The following ATRNL1 variants were observed in gnomAD, a reference collection of about 807,000 sequenced individuals.
ATRNL1 encodes attractin like 1.
A neutral mutation model predicts 182.7 loss-of-function variants in ATRNL1; 95 were observed. That is an observed-to-expected ratio of 0.52 (90% CI 0.44 to 0.62). The LOEUF is 0.62. Among genes scored for constraint, ATRNL1 ranks in the 20% least tolerant of loss-of-function variants. The pLI is 0.00. For synonymous variants in ATRNL1, 576 were observed against 568.3 expected (o/e 1.01, Z -0.19); for missense variants, 1,471 against 1,679.5 (o/e 0.88, Z 2.17).
In ATRNL1 at chr10:115,424,496, G is replaced by A. The variant is rs112931123; in HGVS notation, c.3270-1754G>A. Among the ~76,000 whole-genome samples, 1,262 of 152,236 alleles carry A rather than the reference G, an allele frequency of 8.3e-3. 16 individuals are homozygous for A. The highest frequency in any genetic ancestry group is 0.027 in the African/African-American group (1,118 of 41,542). On this transcript the variant is annotated intron_variant, in intron 20 of 28. Transcript: ENST00000355044. The stretch of plus-strand genomic sequence containing the variant: ...CATCTGTACTCTTACTTTTATTGCA[G>A]CACTATGTACAGTAGCCAAGATATG...
At chr10:115,879,305 C>CAAAAAAAAAG in intron 28 of ATRNL1, among the ~76,000 whole-genome samples, 1 of 108,018 alleles carries the variant, frequency 9.3e-6, no homozygotes, top group Admixed American at 1.0e-4. Flanking sequence ...CTCTCTATCT[C>CAAAAAAAAAG]AAAAAAAAAA....
At chr10:115,698,451 T>TG (rs1237638962) in intron 26 of ATRNL1, among the ~76,000 whole-genome samples, 3 of 152,096 alleles carry the variant, frequency 2.0e-5, no homozygotes, top group Non-Finnish European at 4.4e-5. Flanking sequence ...AGAGTTCAGT[T>TG]GAACATAAAG....
intron 19 of ATRNL1, among the ~76,000 whole-genome samples, chr10:115,380,427 C>A (rs1857933020): frequency 6.6e-6 from 1 of 152,046 alleles, no homozygotes; most frequent in African/African-American, 2.4e-5. Flanking sequence ...ACTGTATTCA[C>A]CGGGTCATGC....
At chr10:115,217,925 G>A (rs1046501277) in intron 9 of ATRNL1, among the ~76,000 whole-genome samples, 1 of 151,744 alleles carries the variant, frequency 6.6e-6, no homozygotes, top group East Asian at 1.9e-4. Context: ...TAGCATATTT[G>A]TCAAGTTTGC....
chr10:115,798,622 G>T (rs1555083568), intron 27 of ATRNL1, among the ~76,000 whole-genome samples: 1 of 152,068 alleles, frequency 6.6e-6, no homozygotes, highest in East Asian at 1.9e-4. Context: ...ACACCTCCAT[G>T]CCTTTGCTCA....
chr10:115,887,382 A>G (rs1951972296), intron 28 of ATRNL1, among the ~76,000 whole-genome samples: 1 of 152,230 alleles, frequency 6.6e-6, no homozygotes, highest in African/African-American at 2.4e-5. Flanking sequence ...TGCAAGATCA[A>G]GGCACCAGCA....
At chr10:115,636,053 T>C (rs148221574) in intron 26 of ATRNL1, among the ~76,000 whole-genome samples, 39 of 152,244 alleles carry the variant, frequency 2.6e-4, no homozygotes, top group African/African-American at 8.4e-4. Flanking sequence ...AATATAGGAT[T>C]TCTTATTCTA....
At chr10:115,524,024 C>G (rs1851086174) in intron 25 of ATRNL1, among the ~76,000 whole-genome samples, 1 of 152,068 alleles carries the variant, frequency 6.6e-6, no homozygotes. Context: ...CAAGCTGTTT[C>G]CATTCATGGT....
intron 27 of ATRNL1, among the ~76,000 whole-genome samples, chr10:115,733,797 G>A (rs10787598): frequency 0.2 from 29,983 of 151,840 alleles, 3,434 homozygotes; most frequent in South Asian, 0.29. Flanking sequence ...ATCATTTACT[G>A]TTAATATTCT....
intron 26 of ATRNL1, among the ~76,000 whole-genome samples, chr10:115,553,584 C>A (rs1393437229): frequency 5.3e-5 from 8 of 151,298 alleles, no homozygotes; most frequent in African/African-American, 1.9e-4. Flanking sequence ...TATCTCCCTG[C>A]ATATTTTGTA....
At chr10:115,692,777 A>T (rs1555048576) in intron 26 of ATRNL1, among the ~76,000 whole-genome samples, 2 of 152,100 alleles carry the variant, frequency 1.3e-5, no homozygotes, top group Non-Finnish European at 2.9e-5. Flanking sequence ...AATAGTTATA[A>T]AAAACAAGTT....
Position 115,728,102 on chromosome 10 carries a change from C to T in ATRNL1, c.3903+747C>T, listed in dbSNP as rs1301248015. ...CATCCTGGCTAACATGGTGAAACCC[C>T]GTCTCTACTAAAAAAAAAAAAAAAA... On this transcript the variant is annotated intron_variant, in intron 27 of 28. Transcript: ENST00000355044. 5.2e-5 allele frequency among the ~76,000 whole-genome samples: 7 copies of T among 135,172 alleles called. No individual in the cohort carries two copies. The South Asian group carries it at 7.2e-4, about 14-fold the overall frequency. 88.7% of individuals were successfully genotyped at this position (135,172 alleles called of 152,430 possible). A position where few individuals can be genotyped will look rare whatever the true frequency, so the allele number is the denominator to read the frequency against.
intron 26 of ATRNL1, among the ~76,000 whole-genome samples, chr10:115,716,340 A>G (rs933064787): frequency 2.6e-5 from 4 of 152,198 alleles, no homozygotes; most frequent in Non-Finnish European, 4.4e-5. Flanking sequence ...GGAAAAAAAT[A>G]TCTTTAATAT....
At chr10:115,826,021 T>C (rs1401009597) in intron 27 of ATRNL1, among the ~76,000 whole-genome samples, 1 of 152,180 alleles carries the variant, frequency 6.6e-6, no homozygotes, top group Non-Finnish European at 1.5e-5. Context: ...TAATTAAGCT[T>C]TTGGTCATTT....
intron 28 of ATRNL1, among the ~76,000 whole-genome samples, chr10:115,894,965 G>A (rs1171913819): frequency 6.6e-6 from 1 of 152,122 alleles, no homozygotes; most frequent in Non-Finnish European, 1.5e-5. Flanking sequence ...GCTGTGTGTG[G>A]TAATTCTAGT....
At chr10:115,786,024 A>T (rs940087064) in intron 27 of ATRNL1, among the ~76,000 whole-genome samples, 3 of 152,182 alleles carry the variant, frequency 2.0e-5, no homozygotes. Flanking sequence ...ATTTCTAGAA[A>T]CATTCTGTTC....
intron 11 of ATRNL1, among the ~76,000 whole-genome samples, chr10:115,265,675 T>C (rs1851580078): frequency 6.6e-6 from 1 of 151,708 alleles, no homozygotes; most frequent in African/African-American, 2.4e-5. Context: ...CTCATTTTAG[T>C]TCTGTCATTT....
intron 26 of ATRNL1, among the ~76,000 whole-genome samples, chr10:115,664,522 A>G (rs1860887874): frequency 6.6e-6 from 1 of 152,188 alleles, no homozygotes; most frequent in Non-Finnish European, 1.5e-5. Flanking sequence ...TATATGTCCT[A>G]TCACGGTGTA....
chr10:115,885,769 C>T (rs1951930476), intron 28 of ATRNL1, among the ~76,000 whole-genome samples: 1 of 152,094 alleles, frequency 6.6e-6, no homozygotes, highest in Non-Finnish European at 1.5e-5. Context: ...GTATTATTGT[C>T]TTTTATCATA....
Sources: allele counts gnomAD v4.1 joint callset (sites outside exome capture counted in the v4.1 genomes callset), GRCh38; gene constraint gnomAD v4.1.1; transcripts MANE v1.5; gene names NCBI Gene and HGNC (gene_info 2026-07-23, HGNC 2026-07-21).